The following PPP1R12B variants were observed in gnomAD, a reference collection of about 807,000 sequenced individuals.
PPP1R12B encodes the protein protein phosphatase 1 regulatory subunit 12B, also known as myosin phosphatase target subunit 2.
A neutral mutation model predicts 126.1 loss-of-function variants in PPP1R12B; 76 were observed. The observed-to-expected ratio is 0.60, with a 90% CI of 0.50 to 0.73. The LOEUF is 0.73. PPP1R12B is among the 30% of genes least tolerant of loss of function. The probability of loss-of-function intolerance (pLI) is 0.00; values close to 1 mark genes in which losing one functional copy is unlikely to be tolerated. For synonymous variants in PPP1R12B, 356 were observed against 434.7 expected, an observed-to-expected ratio of 0.82 and a Z score of 2.25; for missense variants, 1,052 against 1,205.1, an observed-to-expected ratio of 0.87 and a Z score of 1.88.
rs1679909903 is a variant in PPP1R12B at position 202,499,144 on chromosome 1, T to C, written c.2490+2322T>C. Among the ~76,000 whole-genome samples, 4 of 152,298 alleles carry C rather than the reference T, an allele frequency of 2.6e-5. No individual in the cohort carries two copies. The South Asian group carries it at 8.3e-4, about 32-fold the overall frequency. ...TTTTCCATCACCTTAAAACGTTTCA[T>C]CATTAACGCTCAAGAATAAGTGATA... On this transcript the variant is annotated intron_variant, in intron 18 of 23. Coordinates refer to ENST00000608999, the MANE Select transcript of PPP1R12B (RefSeq NM_002481.4).
rs1378918033 is a variant in PPP1R12B, at chr1:202,589,206, G to C, written c.*8646G>C. 1 of 152,234 alleles carries C rather than the reference G, an allele frequency of 6.6e-6. No homozygotes were observed. The highest frequency in any genetic ancestry group is 1.9e-4 in the East Asian group (1 of 5,204). The allele number at this position is 152,234 out of a possible 1,614,324, so 9.4% of individuals were successfully genotyped here. ...ACTCAAAATGAAGGAGCCATGCCCA[G>C]AGAAGAGCTGTTCAGGCCCGCTGGC... On this transcript the variant is annotated 3_prime_UTR_variant, in exon 24 of 24. Coordinates refer to ENST00000608999, the MANE Select transcript of PPP1R12B (RefSeq NM_002481.4).
In PPP1R12B at chr1:202,348,835, CT is replaced by C. The variant is rs760128193; in HGVS notation, c.-16del. 6.3e-7 allele frequency: 1 copy of C among 1,595,656 alleles called. No homozygotes were observed. Among genetic ancestry groups the C allele is most frequent in the African/African-American group, 1.3e-5 (1 of 74,124 alleles). ...TTAGTGTTGGTAGTTTTGGCAGCAG[CT>C]GCCGAGGCCGGAGCAATGGCGGAAC... On this transcript the variant is annotated 5_prime_UTR_variant, in exon 1 of 24. Transcript: ENST00000608999.
chr1:202,519,700 G>A (rs1228493201), intron 18 of PPP1R12B, among the ~76,000 whole-genome samples: 1 of 152,164 alleles, frequency 6.6e-6, no homozygotes, highest in African/African-American at 2.4e-5. Context: ...ACTTTGCAGT[G>A]TGCAGAGTCA....
intron 13 of PPP1R12B, among the ~76,000 whole-genome samples, chr1:202,453,707 C>CT (rs60983248): frequency 5.4e-3 from 783 of 145,826 alleles, no homozygotes; most frequent in Non-Finnish European, 7.4e-3. Context: ...TATAAAGACA[C>CT]TTTTTTTTTT....
chr1:202,414,616 A>T (rs900526961), intron 1 of PPP1R12B, among the ~76,000 whole-genome samples: 3 of 152,148 alleles, frequency 2.0e-5, no homozygotes, highest in African/African-American at 7.2e-5. Flanking sequence ...TTATTGCAAC[A>T]CATACTGATT....
intron 13 of PPP1R12B, chr1:202,471,816 A>C: frequency 7.7e-7 from 1 of 1,301,342 alleles, no homozygotes; most frequent in Non-Finnish European, 1.1e-6. Flanking sequence ...TTTATCCAAA[A>C]TGTGTTTATT....
At chr1:202,490,218 T>C (rs1678678141) in intron 14 of PPP1R12B, among the ~76,000 whole-genome samples, 1 of 152,108 alleles carries the variant, frequency 6.6e-6, no homozygotes, top group African/African-American at 2.4e-5. Context: ...AGCATGGAAG[T>C]GAATGAAAAG....
At chr1:202,379,193 G>T (rs909108830) in intron 1 of PPP1R12B, among the ~76,000 whole-genome samples, 2 of 152,104 alleles carry the variant, frequency 1.3e-5, no homozygotes, top group African/African-American at 4.8e-5. Flanking sequence ...GAGCAAAATT[G>T]TTCTCATCCT....
At chr1:202,359,849 G>C (rs1393238359) in intron 1 of PPP1R12B, among the ~76,000 whole-genome samples, 1 of 152,100 alleles carries the variant, frequency 6.6e-6, no homozygotes, top group Non-Finnish European at 1.5e-5. Context: ...ACACCTAAAA[G>C]TCAAAATCTT....
chr1:202,401,502 A>G (rs1424583230), intron 1 of PPP1R12B, among the ~76,000 whole-genome samples: 3 of 150,466 alleles, frequency 2.0e-5, no homozygotes, highest in Non-Finnish European at 2.9e-5. Context: ...CTCTTTACAG[A>G]GAAAGTTTGC....
chr1:202,521,710 G>A (rs1422605005), intron 18 of PPP1R12B, among the ~76,000 whole-genome samples: 2 of 152,138 alleles, frequency 1.3e-5, no homozygotes, highest in Non-Finnish European at 2.9e-5. Flanking sequence ...AGATGGACAT[G>A]AAAGATGACC....
intron 18 of PPP1R12B, among the ~76,000 whole-genome samples, chr1:202,539,457 G>C (rs945886643): frequency 6.6e-6 from 1 of 152,176 alleles, no homozygotes; most frequent in African/African-American, 2.4e-5. Context: ...GACTGTGAGT[G>C]TTTATATGTA....
intron 18 of PPP1R12B, among the ~76,000 whole-genome samples, chr1:202,556,704 A>G (rs910528125): frequency 6.6e-6 from 1 of 152,134 alleles, no homozygotes; most frequent in Admixed American, 6.5e-5. Flanking sequence ...GAACTTGTTA[A>G]TTATGTTCAC....
At chr1:202,536,519 T>G (rs1409228971) in intron 18 of PPP1R12B, among the ~76,000 whole-genome samples, 4 of 152,210 alleles carry the variant, frequency 2.6e-5, no homozygotes, top group Non-Finnish European at 5.9e-5. Context: ...GAGCAAGTGG[T>G]GAGTGAAGGC....
intron 15 of PPP1R12B, among the ~76,000 whole-genome samples, chr1:202,494,321 T>C (rs980438601): frequency 7.9e-5 from 12 of 152,198 alleles, no homozygotes; most frequent in African/African-American, 2.9e-4. Context: ...CTCTGTTTTA[T>C]AGATGAGGAA....
intron 18 of PPP1R12B, among the ~76,000 whole-genome samples, chr1:202,555,995 C>T (rs1208523040): frequency 6.6e-6 from 1 of 151,902 alleles, no homozygotes; most frequent in African/African-American, 2.4e-5. Flanking sequence ...CCTGCCTAAG[C>T]TTCCCAAGTA....
chr1:202,361,119 T>C (rs1330812822), intron 1 of PPP1R12B, among the ~76,000 whole-genome samples: 7 of 152,162 alleles, frequency 4.6e-5, no homozygotes, highest in Non-Finnish European at 2.9e-5. Flanking sequence ...GGTCTCGATC[T>C]CCTGACCTTG....
intron 1 of PPP1R12B, among the ~76,000 whole-genome samples, chr1:202,390,052 T>C (rs2148519057): frequency 6.6e-6 from 1 of 151,784 alleles, no homozygotes; most frequent in South Asian, 2.1e-4. Context: ...TACAAAGCAA[T>C]GGTAACCAAG....
intron 18 of PPP1R12B, among the ~76,000 whole-genome samples, chr1:202,523,760 G>T (rs369966739): frequency 6.6e-6 from 1 of 152,068 alleles, no homozygotes; most frequent in Non-Finnish European, 1.5e-5. Context: ...TGTTGCCCAG[G>T]ATGGAGTGCA....
Sources: gnomAD v4.1 joint callset for allele counts (sites outside exome capture counted in the v4.1 genomes callset) on GRCh38, gnomAD v4.1.1 for gene constraint, MANE v1.5 for transcripts, NCBI Gene and HGNC (gene_info 2026-07-23, HGNC 2026-07-21) for gene names.